Variants in DNAH17 observed in about 807,000 individuals in gnomAD.
DNAH17 encodes the protein axonemal beta dynein heavy chain 17.
A neutral mutation model predicts 485.6 loss-of-function variants in DNAH17; 376 were observed. The ratio of observed to expected loss-of-function variants is 0.77; its 90% CI spans 0.71 to 0.84. The LOEUF is 0.84. Ranked by LOEUF, DNAH17 falls within the 40% of genes least tolerant of loss-of-function variation. The probability of loss-of-function intolerance (pLI) is 0.00; values close to 1 mark genes in which losing one functional copy is unlikely to be tolerated. For missense variants in DNAH17, 6,370 were observed against 5,839.3 expected, an observed-to-expected ratio of 1.09 and a Z score of -2.96; for synonymous variants, 3,031 against 2,405.9, an observed-to-expected ratio of 1.26 and a Z score of -7.60.
At position 78,449,532 on chromosome 17, in the gene DNAH17, T is replaced by C; in HGVS notation, c.11093A>G (p.Glu3698Gly). The change falls in exon 69 of 81, where the codon GAG becomes GGG. Residue 3698 changes from glutamate to glycine, a missense_variant. Coordinates refer to ENST00000389840, the MANE Select transcript of DNAH17 (RefSeq NM_173628.4). ...KAIQRTTPAN[E>G]VKQRVINLTD... ...CAGGTTGATCACCCGCTGCTTCACC[T>C]CGTTGGCAGGGGTGGTCCTCTGGAT... is the stretch of plus-strand genomic sequence containing the variant. The C allele has an allele frequency of 6.2e-7, 1 of 1,602,020 alleles. No homozygotes were observed. The highest frequency in any genetic ancestry group is 8.5e-7 in the Non-Finnish European group (1 of 1,174,464).
chr17:78,487,941 G>T (rs2089684027), intron 44 of DNAH17, among the ~76,000 whole-genome samples: 1 of 152,192 alleles, frequency 6.6e-6, no homozygotes, highest in African/African-American at 2.4e-5. Flanking sequence ...GTATTATCCA[G>T]CGTAATAGAG....
At chr17:78,508,401 T>C (rs1233676995) in intron 27 of DNAH17, among the ~76,000 whole-genome samples, 1 of 152,240 alleles carries the variant, frequency 6.6e-6, no homozygotes, top group African/African-American at 2.4e-5. Context: ...ACAGATTACT[T>C]TTCTACAACT....
chr17:78,461,759 C>A, intron 57 of DNAH17, 51 bp from the exon 58 acceptor site: 1 of 1,559,846 alleles, frequency 6.4e-7, no homozygotes, highest in Admixed American at 1.8e-5. Flanking sequence ...AGCCGACACA[C>A]GCCGCCCTGC....
At chr17:78,524,925 G>T (rs1183439952) in intron 25 of DNAH17, 84 bp downstream of exon 25, 2 of 1,514,882 alleles carry the variant, frequency 1.3e-6, no homozygotes, top group Admixed American at 2.0e-5. Flanking sequence ...CAACCAAAGG[G>T]TGCCCAGAGC....
chr17:78,525,224 C>T lies in DNAH17; in HGVS notation c.3712-63G>A, dbSNP rs1477683542. Reference sequence around the variant, plus strand: ...CCCTCAGCGGTGCCCCACCCCACTCCCCGACGTTCTGCCCGTCTCTCCAGT... The same window carrying T: ...CCCTCAGCGGTGCCCCACCCCACTCTCCGACGTTCTGCCCGTCTCTCCAGT... On this transcript the variant is annotated intron_variant, in intron 24 of 80. Transcript: ENST00000389840. 3.8e-6 allele frequency: 6 copies of T among 1,572,620 alleles called. No individual in the cohort carries two copies. In the Admixed American group the frequency reaches 5.2e-5, roughly 14 times the overall value.
chr17:78,451,930 G>C (rs907641474), intron 65 of DNAH17, among the ~76,000 whole-genome samples: 1 of 151,962 alleles, frequency 6.6e-6, no homozygotes, highest in Non-Finnish European at 1.5e-5. Context: ...CACCCCTCTG[G>C]CGATACTCTG....
intron 19 of DNAH17, among the ~76,000 whole-genome samples, chr17:78,535,449 TC>T (rs1183465696): frequency 1.3e-5 from 2 of 152,114 alleles, no homozygotes; most frequent in Non-Finnish European, 2.9e-5. Flanking sequence ...TTCCCTCGTG[TC>T]CTCATGTCAC....
At chr17:78,512,656 T>C (rs2090664754) in intron 26 of DNAH17, among the ~76,000 whole-genome samples, 1 of 152,058 alleles carries the variant, frequency 6.6e-6, no homozygotes, top group African/African-American at 2.4e-5. Flanking sequence ...AGTTAATCAA[T>C]GGAGGCCAGG....
chr17:78,521,004 A>G lies in DNAH17; in HGVS notation c.3864+4005T>C, dbSNP rs144414614. 7.9e-5 allele frequency among the ~76,000 whole-genome samples: 12 copies of G among 152,368 alleles called. No individual in the cohort carries two copies. In the East Asian group the frequency reaches 2.1e-3, roughly 27 times the overall value. ...ATTGCTCTAGGAATCAAGACTGTGC[A>G]GTATCATGGAGGGACAGACACGAAG... On this transcript the variant is annotated intron_variant, in intron 25 of 80. Coordinates refer to ENST00000389840, the MANE Select transcript of DNAH17 (RefSeq NM_173628.4).
intron 79 of DNAH17, 132 bp from the exon 80 acceptor site, chr17:78,425,703 A>G: frequency 1.3e-6 from 1 of 741,810 alleles, no homozygotes; most frequent in Middle Eastern, 4.1e-4. Context: ...AGTGCTGGAC[A>G]GAGTAGGGGC....
intron 75 of DNAH17, among the ~76,000 whole-genome samples, chr17:78,433,451 C>T (rs1368201216): frequency 1.3e-5 from 2 of 152,244 alleles, no homozygotes; most frequent in Non-Finnish European, 2.9e-5. Flanking sequence ...CTGCTGCAGA[C>T]CGTTTACGGA....
intron 61 of DNAH17, 39 bp from the exon 62 acceptor site, chr17:78,458,719 G>A (rs770023171): frequency 4.5e-6 from 7 of 1,552,872 alleles, no homozygotes; most frequent in Admixed American, 1.7e-5. Context: ...AAAACCCCAC[G>A]AGGCATCTCT....
rs200092355 is a variant in DNAH17 at position 78,455,470 on chromosome 17, G to GC, written c.10170+173dup. Among the ~76,000 whole-genome samples the GC allele has an allele frequency of 5.1e-3, 768 of 151,958 alleles. 11 individuals are homozygous for GC. The highest frequency in any genetic ancestry group is 0.017 in the African/African-American group (722 of 41,456). On this transcript the variant is annotated intron_variant, in intron 63 of 80. Transcript: ENST00000389840. Reference sequence around the variant, plus strand: ...CCTCCCCAGTAGCTGGGATTAAGGCGCCCCCCACCAAGCCTGGCTAATTTT... The same window carrying GC: ...CCTCCCCAGTAGCTGGGATTAAGGCGCCCCCCCACCAAGCCTGGCTAATTTT...
intron 25 of DNAH17, among the ~76,000 whole-genome samples, chr17:78,516,424 C>A (rs926513758): frequency 2.0e-5 from 3 of 152,160 alleles, no homozygotes; most frequent in African/African-American, 7.2e-5. Context: ...CGGCGGCTCA[C>A]GCCTGCAATC....
chr17:78,440,009 G>A (rs1483427894), intron 72 of DNAH17, among the ~76,000 whole-genome samples: 3 of 151,530 alleles, frequency 2.0e-5, no homozygotes, highest in Non-Finnish European at 4.4e-5. Flanking sequence ...CTGTCACCTA[G>A]CCTGAACTCC....
chr17:78,466,795 CA>C lies in DNAH17; in HGVS notation c.8799del (p.Val2934TrpfsTer116), dbSNP rs1384881969. 1 of 1,597,058 alleles carries C rather than the reference CA, an allele frequency of 6.3e-7. No homozygotes were observed. Among genetic ancestry groups the C allele is most frequent in the African/African-American group, 1.4e-5 (1 of 74,026 alleles). On this transcript the variant is annotated frameshift_variant, in exon 56 of 81. Coordinates refer to ENST00000389840, the MANE Select transcript of DNAH17 (RefSeq NM_173628.4). LOFTEE classifies it high-confidence loss of function. The part of the protein sequence containing the change: ...RQLKVILCFS[P>X]VGSVLRVRAR... ...GCTCGTACCCGCAGCACGGAGCCCA[CA>C]GGGGAGAAACACAGGATCACCTGGG... is the stretch of plus-strand genomic sequence containing the variant.
chr17:78,428,875 CAT>C (rs1399154093), intron 76 of DNAH17, among the ~76,000 whole-genome samples, 168 bp from the exon 77 acceptor site: 2 of 124,490 alleles, frequency 1.6e-5, no homozygotes, highest in African/African-American at 6.1e-5. Flanking sequence ...CTCCCAGCGA[CAT>C]AAAGGAAAAT....
intron 35 of DNAH17, 93 bp downstream of exon 35, chr17:78,501,091 C>T: frequency 1.4e-6 from 2 of 1,426,696 alleles, no homozygotes; most frequent in East Asian, 2.4e-5. Flanking sequence ...TCCTTCCAGC[C>T]TCCACAGCTG....
chr17:78,459,177 C>A lies in DNAH17; in HGVS notation c.9685G>T (p.Glu3229Ter). The change falls in exon 61 of 81, where the codon GAG becomes TAG. Residue 3229 changes from glutamate to a stop codon, truncating the protein, a stop_gained. Coordinates refer to ENST00000389840, the MANE Select transcript of DNAH17 (RefSeq NM_173628.4). LOFTEE classifies it high-confidence loss of function. ...GCCGTGGACTTGGAGCGGATGAACT[C>A]GGGGTCGAACGTCGGGTTGCCTTGG... Reference protein sequence around the residue: ...PYQGNPTFDPEFIRSKSTAAA... With the variant: ...PYQGNPTFDP 1 of 1,613,882 alleles carries A rather than the reference C, an allele frequency of 6.2e-7. No homozygotes were observed. Among genetic ancestry groups the A allele is most frequent in the Non-Finnish European group, 8.5e-7 (1 of 1,179,874 alleles).
Sources: gnomAD v4.1 joint callset for allele counts (sites outside exome capture counted in the v4.1 genomes callset) on GRCh38, gnomAD v4.1.1 for gene constraint, MANE v1.5 for transcripts, NCBI Gene and HGNC (gene_info 2026-07-23, HGNC 2026-07-21) for gene names.